DSE: variants seen among roughly 807,000 people sequenced by gnomAD.
The protein encoded by DSE is dermatan-sulfate epimerase.
Under a neutral mutation model 84.4 loss-of-function variants are expected in DSE, and 36 were observed. The ratio of observed to expected loss-of-function variants is 0.43; its 90% CI spans 0.33 to 0.56. The LOEUF is 0.56. Ranked by LOEUF, DSE falls within the 20% of genes least tolerant of loss-of-function variation. The pLI is 0.06. For missense variants in DSE, 862 were observed against 1,169.6 expected, an observed-to-expected ratio of 0.74 and a Z score of 3.84; for synonymous variants, 410 against 430.1, an observed-to-expected ratio of 0.95 and a Z score of 0.58.
At chr6:116,430,611 C>T (rs968332106) in intron 3 of DSE, among the ~76,000 whole-genome samples, 5 of 152,112 alleles carry the variant, frequency 3.3e-5, no homozygotes, top group Middle Eastern at 3.4e-3. Flanking sequence ...GCGCGATCTC[C>T]GCTCACTGCA....
chr6:116,297,807 G>T (rs1304746281), intron 2 of DSE, among the ~76,000 whole-genome samples: 1 of 152,186 alleles, frequency 6.6e-6, no homozygotes, highest in Non-Finnish European at 1.5e-5. Context: ...TGTCTGCCAT[G>T]GCAGTAGAGC....
chr6:116,354,502 A>G (rs533176168), intron 2 of DSE, among the ~76,000 whole-genome samples: 2 of 152,158 alleles, frequency 1.3e-5, no homozygotes, highest in Non-Finnish European at 2.9e-5. Flanking sequence ...TTGTCATACA[A>G]TCTGGCCTTA....
In DSE at chr6:116,441,254, A is replaced by G. The variant is rs1456715764; in HGVS notation, c.*3909A>G. 6.6e-6 allele frequency: 1 copy of G among 152,202 alleles called. No homozygotes were observed. Among genetic ancestry groups the G allele is most frequent in the African/African-American group, 2.4e-5 (1 of 41,444 alleles). The allele number at this position is 152,202 out of a possible 1,614,324, so 9.4% of individuals were successfully genotyped here. A position where few individuals can be genotyped will look rare whatever the true frequency, so the allele number is the denominator to read the frequency against. ...ACTATGTGAAGAATAAAAATAGACA[A>G]AGTTGCATTATGACTTTTCTTCTTG... is the stretch of plus-strand genomic sequence containing the variant. On this transcript the variant is annotated 3_prime_UTR_variant, in exon 6 of 6. Transcript: ENST00000644252.
chr6:116,312,660 G>C (rs1426229032), intron 2 of DSE, among the ~76,000 whole-genome samples: 1 of 152,040 alleles, frequency 6.6e-6, no homozygotes, highest in Non-Finnish European at 1.5e-5. Flanking sequence ...GTAATGGAAA[G>C]ACTTATTTTC....
chr6:116,283,976 A>G (rs1773712207), intron 2 of DSE, among the ~76,000 whole-genome samples: 2 of 152,248 alleles, frequency 1.3e-5, no homozygotes. Context: ...TATGCTTCAT[A>G]TATCACCTTT....
In DSE at chr6:116,442,950, T is replaced by G. The variant is rs1328830124; in HGVS notation, c.*5605T>G. On this transcript the variant is annotated 3_prime_UTR_variant, in exon 6 of 6. Coordinates refer to ENST00000644252, the MANE Select transcript of DSE (RefSeq NM_013352.4). ...ATATGCCCCCCATATTCCATATGTT[T>G]ACTCCCTGGGGTGAGGTGGGGCAGG... 2 of 152,168 alleles carry G rather than the reference T, an allele frequency of 1.3e-5. No individual in the cohort carries two copies. Among genetic ancestry groups the G allele is most frequent in the African/African-American group, 4.8e-5 (2 of 41,432 alleles). 9.4% of individuals were successfully genotyped at this position (152,168 alleles called of 1,614,324 possible).
At chr6:116,388,548 G>A (rs186545669) in intron 1 of DSE, among the ~76,000 whole-genome samples, 1 of 152,134 alleles carries the variant, frequency 6.6e-6, no homozygotes, top group Non-Finnish European at 1.5e-5. Flanking sequence ...TGGTGATACA[G>A]AATTAAAGAT....
chr6:116,266,195 A>G (rs956638369), intron 2 of DSE, among the ~76,000 whole-genome samples: 2 of 152,146 alleles, frequency 1.3e-5, no homozygotes, highest in Admixed American at 6.5e-5. Context: ...GCATCTTACA[A>G]CTGCTACCAG....
At chr6:116,268,851 G>A (rs992691281) in intron 2 of DSE, among the ~76,000 whole-genome samples, 2 of 152,172 alleles carry the variant, frequency 1.3e-5, no homozygotes, top group Admixed American at 1.3e-4. Context: ...GGCAAAAATA[G>A]ATCATATTTC....
intron 2 of DSE, among the ~76,000 whole-genome samples, chr6:116,273,340 T>C (rs1772965862): frequency 6.6e-6 from 1 of 152,212 alleles, no homozygotes; most frequent in Non-Finnish European, 1.5e-5. Context: ...GACATCCACA[T>C]TTTTCCTAAT....
rs753574194 is a variant in DSE at position 116,436,378 on chromosome 6, G to A, written c.1910G>A (p.Arg637Gln). The A allele has an allele frequency of 5.6e-6, 9 of 1,613,988 alleles. No homozygotes were observed. The highest frequency in any genetic ancestry group is 4.5e-5 in the East Asian group (2 of 44,890). The change falls in exon 6 of 6, where the codon CGG becomes CAG. Residue 637 changes from arginine to glutamine, a missense_variant. By Grantham distance (43) the Arg-to-Gln change is conservative. Around this residue, in one of 4 missense-constraint regions of DSE, gnomAD observed 186 missense variants for 255.1 expected, o/e 0.73. Transcript: ENST00000644252. ...ACCTTTGCCTCAGTGACATATCCTC[G>A]GGGCTATCCCTACAATGGGACAAAC... ...KATFASVTYP[R>Q]GYPYNGTNYV...
At chr6:116,419,137 C>G (rs1363893346) in intron 2 of DSE, among the ~76,000 whole-genome samples, 2 of 152,192 alleles carry the variant, frequency 1.3e-5, no homozygotes, top group Admixed American at 6.5e-5. Flanking sequence ...CACTCAGAGC[C>G]TCCTAGATCA....
At chr6:116,399,907 A>C (rs542893553) in intron 2 of DSE, 18 of 492,354 alleles carry the variant, frequency 3.7e-5, no homozygotes, top group African/African-American at 2.9e-4. Flanking sequence ...AAGAAAAAAT[A>C]ATTTGCTGAA....
In DSE at chr6:116,258,640, C is replaced by T. The variant is rs187714804; in HGVS notation, c.-381C>T. The T allele has an allele frequency of 1.1e-4, 175 of 1,612,390 alleles. 1 individual carries two copies. The East Asian group carries it at 1.6e-3, about 14-fold the overall frequency. ...CTTAATGTTCCGGAAGGCAGCCTCA[C>T]GAGCACCTGTGCACAGCAGCCAGAT... is the stretch of plus-strand genomic sequence containing the variant. On this transcript the variant is annotated 5_prime_UTR_variant, in exon 2 of 4. Transcript: ENST00000430252.
At chr6:116,312,764 G>A (rs187369060) in intron 2 of DSE, among the ~76,000 whole-genome samples, 228 of 151,900 alleles carry the variant, frequency 1.5e-3, no homozygotes, top group Middle Eastern at 0.01. Flanking sequence ...ATTGAGTTGC[G>A]TAAAATATAT....
intron 4 of DSE, among the ~76,000 whole-genome samples, chr6:116,431,984 C>T (rs1783871385): frequency 6.6e-6 from 1 of 152,074 alleles, no homozygotes. Flanking sequence ...GTATTTAAAT[C>T]TTTTGGCTCT....
chr6:116,365,917 G>A (rs1274269155), upstream of DSE, among the ~76,000 whole-genome samples: 1 of 152,148 alleles, frequency 6.6e-6, no homozygotes, highest in African/African-American at 2.4e-5. Flanking sequence ...TGAGAGGTAG[G>A]GTATCACTCA....
At chr6:116,316,476 G>A (rs1775983123) in intron 2 of DSE, among the ~76,000 whole-genome samples, 1 of 152,026 alleles carries the variant, frequency 6.6e-6, no homozygotes, top group Admixed American at 6.6e-5. Flanking sequence ...TCAGACATTG[G>A]TATTTAACAA....
At chr6:116,378,159 A>T (rs1780032770) in intron 1 of DSE, among the ~76,000 whole-genome samples, 2 of 152,236 alleles carry the variant, frequency 1.3e-5, no homozygotes, top group Admixed American at 1.3e-4. Flanking sequence ...GAAGGGGGAA[A>T]TTAACTTAAA....
Sources: gnomAD v4.1 joint callset for allele counts (sites outside exome capture counted in the v4.1 genomes callset) on GRCh38, gnomAD v4.1.1 for gene constraint, gnomAD v4.1.1 regional missense constraint, MANE v1.5 for transcripts, NCBI Gene and HGNC (gene_info 2026-07-23, HGNC 2026-07-21) for gene names.